YAF2: variants seen among roughly 807,000 people sequenced by gnomAD.
YAF2 encodes YY1-associated factor 2.
In YAF2, 7 loss-of-function variants were observed where a neutral mutation model predicts 20.1. The observed-to-expected ratio is 0.35, with a 90% CI of 0.20 to 0.65. The LOEUF is 0.65. Among genes scored for constraint, YAF2 ranks in the 30% least tolerant of loss-of-function variants. The pLI, the probability that YAF2 is intolerant of heterozygous loss-of-function variation, is 0.69. For synonymous variants in YAF2, 74 were observed against 76.0 expected (o/e 0.97, Z 0.14); for missense variants, 151 against 219.2 (o/e 0.69, Z 1.96).
chr12:42,227,142 G>A (rs1375576188), intron 2 of YAF2, among the ~76,000 whole-genome samples: 3 of 145,874 alleles, frequency 2.1e-5, no homozygotes, highest in East Asian at 2.0e-4. Context: ...GCCGGCGAGC[G>A]CCGCCCGGGA....
At chr12:42,193,300 GTAAA>G in intron 2 of YAF2, among the ~76,000 whole-genome samples, 1 of 144,880 alleles carries the variant, frequency 6.9e-6, no homozygotes, top group African/African-American at 2.6e-5. Flanking sequence ...GGGCGACAGA[GTAAA>G]TGAGACTCCC....
intron 2 of YAF2, among the ~76,000 whole-genome samples, chr12:42,224,484 C>T (rs751046385): frequency 6.6e-6 from 1 of 151,878 alleles, no homozygotes; most frequent in Non-Finnish European, 1.5e-5. Flanking sequence ...TCCATCAACC[C>T]GTCATCTACA....
intron 2 of YAF2, chr12:42,233,630 G>A (rs1308685039): frequency 4.8e-6 from 3 of 618,734 alleles, no homozygotes; most frequent in African/African-American, 2.0e-5. Flanking sequence ...TCCCACTTCA[G>A]CCTCCTGAGT....
intron 2 of YAF2, among the ~76,000 whole-genome samples, chr12:42,173,694 GA>G (rs1014815984): frequency 2.6e-5 from 4 of 152,004 alleles, no homozygotes; most frequent in African/African-American, 9.7e-5. Flanking sequence ...TCCAATCCAA[GA>G]TTACTCTTGC....
At chr12:42,197,402 G>C (rs1470722408) in intron 2 of YAF2, among the ~76,000 whole-genome samples, 1 of 152,192 alleles carries the variant, frequency 6.6e-6, no homozygotes, top group Admixed American at 6.5e-5. Flanking sequence ...AGAATAAGAA[G>C]AATATTCTTT....
chr12:42,237,009 T>C (rs1047596687), intron 2 of YAF2, among the ~76,000 whole-genome samples: 1 of 152,220 alleles, frequency 6.6e-6, no homozygotes, highest in African/African-American at 2.4e-5. Context: ...AAACTAAAGA[T>C]ATAAAGGTAC....
chr12:42,236,096 G>A (rs1459530317), intron 2 of YAF2: 2 of 1,422,710 alleles, frequency 1.4e-6, no homozygotes, highest in Non-Finnish European at 1.9e-6. Context: ...TATAGTACCA[G>A]AGATCAAGAT....
chr12:42,207,772 T>C (rs1182425560), intron 2 of YAF2, among the ~76,000 whole-genome samples: 2 of 152,076 alleles, frequency 1.3e-5, no homozygotes. Context: ...GCGCCTGTAG[T>C]CCCAGCTACT....
At chr12:42,167,358 T>C (rs940916580) in intron 2 of YAF2, among the ~76,000 whole-genome samples, 6 of 151,984 alleles carry the variant, frequency 3.9e-5, no homozygotes, top group Admixed American at 2.0e-4. Flanking sequence ...TCTCAAGATA[T>C]AGGAAAAAAT....
At chr12:42,182,973 C>T (rs796810538) in intron 2 of YAF2, among the ~76,000 whole-genome samples, 1 of 151,542 alleles carries the variant, frequency 6.6e-6, no homozygotes, top group Non-Finnish European at 1.5e-5. Context: ...AGGCTATTGG[C>T]GCCATTTTTC....
intron 2 of YAF2, among the ~76,000 whole-genome samples, chr12:42,220,715 T>A (rs2067487211): frequency 6.6e-6 from 1 of 152,190 alleles, no homozygotes; most frequent in African/African-American, 2.4e-5. Context: ...AAAAGTAAAG[T>A]ATGTTGTGCA....
intron 2 of YAF2, among the ~76,000 whole-genome samples, chr12:42,214,377 T>C (rs1399228381): frequency 6.6e-6 from 1 of 152,206 alleles, no homozygotes; most frequent in African/African-American, 2.4e-5. Flanking sequence ...GCTCAAGCCA[T>C]TCTCTTACCT....
intron 2 of YAF2, among the ~76,000 whole-genome samples, chr12:42,204,249 TC>T (rs1163921879): frequency 6.6e-6 from 1 of 152,172 alleles, no homozygotes; most frequent in East Asian, 1.9e-4. Flanking sequence ...GTCTTGCAGT[TC>T]CCCAAAAGTT....
intron 2 of YAF2, among the ~76,000 whole-genome samples, chr12:42,167,134 T>G (rs866796228): frequency 4.0e-5 from 6 of 150,044 alleles, no homozygotes; most frequent in Middle Eastern, 3.4e-3. Flanking sequence ...CACCGGGGCC[T>G]GTTGGGGAGT....
intron 2 of YAF2, among the ~76,000 whole-genome samples, chr12:42,188,499 C>T (rs2066531456): frequency 6.6e-6 from 1 of 151,070 alleles, no homozygotes; most frequent in Admixed American, 6.6e-5. Flanking sequence ...AATTCTCATG[C>T]CTCAGCCTCC....
chr12:42,211,826 A>G (rs1245512166), intron 2 of YAF2, among the ~76,000 whole-genome samples: 1 of 151,582 alleles, frequency 6.6e-6, no homozygotes, highest in Non-Finnish European at 1.5e-5. Flanking sequence ...AGGTGGGCGG[A>G]TTAGCTGAGG....
chr12:42,217,647 T>C (rs180953220), intron 2 of YAF2, among the ~76,000 whole-genome samples: 46 of 152,276 alleles, frequency 3.0e-4, no homozygotes, highest in African/African-American at 1.1e-3. Flanking sequence ...ATCACTTATA[T>C]TTAATTACCA....
chr12:42,225,371 T>A (rs1194056191), intron 2 of YAF2, among the ~76,000 whole-genome samples: 1 of 152,230 alleles, frequency 6.6e-6, no homozygotes, highest in African/African-American at 2.4e-5. Flanking sequence ...TTCAATTAGA[T>A]CTCATTTGTC....
intron 3 of YAF2, 94 bp from the exon 4 acceptor site, chr12:42,160,920 T>G (rs1301167729): frequency 1.8e-5 from 19 of 1,042,220 alleles, no homozygotes; most frequent in Non-Finnish European, 2.6e-5. Flanking sequence ...AGTAACAAAA[T>G]GAATACATGT....
Sources: gnomAD v4.1 joint callset for allele counts (sites outside exome capture counted in the v4.1 genomes callset) on GRCh38, gnomAD v4.1.1 for gene constraint, MANE v1.5 for transcripts, NCBI Gene and HGNC (gene_info 2026-07-23, HGNC 2026-07-21) for gene names.